The following DLGAP1 variants were observed in gnomAD, a reference collection of about 807,000 sequenced individuals.
DLGAP1 encodes disks large-associated protein 1.
DLGAP1 carries 11 observed loss-of-function variants against 90.8 expected under a neutral mutation model. The observed-to-expected ratio is 0.12, with a 90% CI of 0.08 to 0.20. The LOEUF is 0.20. Among genes scored for constraint, DLGAP1 ranks in the 10% least tolerant of loss-of-function variants. The pLI is 1.00. For missense variants in DLGAP1, 1,050 were observed against 1,333.8 expected (o/e 0.79, Z 3.31); for synonymous variants, 558 against 540.7 (o/e 1.03, Z -0.44).
At position 3,898,792 on chromosome 18, in the gene DLGAP1, C is replaced by T. The variant is rs3850809; in HGVS notation, c.-72-18652G>A. Among the ~76,000 whole-genome samples, 17 of 152,096 alleles carry T rather than the reference C, an allele frequency of 1.1e-4. No homozygotes were observed. The South Asian group carries it at 3.5e-3, about 32-fold the overall frequency. On this transcript the variant is annotated intron_variant, in intron 3 of 12. Transcript: ENST00000315677. ...ATGAACTAGAAATAAAGTTATTCATCTATTATTATTATTATTCTCCAATAA... is the reference window on the plus strand; with the variant it reads ...ATGAACTAGAAATAAAGTTATTCATTTATTATTATTATTATTCTCCAATAA...
chr18:4,250,329 T>C (rs900936349), intron 1 of DLGAP1, among the ~76,000 whole-genome samples: 1 of 152,224 alleles, frequency 6.6e-6, no homozygotes, highest in African/African-American at 2.4e-5. Context: ...TGAGCTCACT[T>C]CTGCTATTAG....
chr18:3,742,633 C>T (rs1180530385), intron 5 of DLGAP1, 121 bp from the exon 6 acceptor site: 1 of 1,167,170 alleles, frequency 8.6e-7, no homozygotes, highest in East Asian at 2.5e-5. Context: ...CATAGATGCC[C>T]TTCTGTGATT....
At chr18:3,593,962 A>G (rs77228879) in intron 7 of DLGAP1, 12 of 151,594 alleles carry the variant, frequency 7.9e-5, no homozygotes, top group African/African-American at 2.2e-4. Context: ...CAGTGCATGT[A>G]CTGTACAAAA....
At chr18:3,777,243 CAG>C (rs1284921274) in intron 5 of DLGAP1, among the ~76,000 whole-genome samples, 2 of 151,960 alleles carry the variant, frequency 1.3e-5, no homozygotes, top group Non-Finnish European at 2.9e-5. Context: ...GGTGTTTTGG[CAG>C]AGAGCGGGGA....
Position 3,880,007 on chromosome 18 carries a change from T to C in DLGAP1, c.62A>G (p.Asp21Gly). 6.2e-7 allele frequency: 1 copy of C among 1,609,968 alleles called. No homozygotes were observed. Among genetic ancestry groups the C allele is most frequent in the Admixed American group, 1.7e-5 (1 of 60,020 alleles). Residue 21 changes from aspartate (D) to glycine (G), a missense_variant, in exon 4 of 13, where the codon GAC becomes GGC. By Grantham distance (94) the Asp-to-Gly change is moderately conservative. This residue lies in a region of DLGAP1 where 485 missense variants were observed against 454.1 expected (regional missense o/e 1.07). Transcript: ENST00000315677. ...HHGVTCDSAC[D>G]SLSHHSDRKP... Reference sequence around the variant, plus strand: ...GCGGTCGGAGTGGTGCGACAGCGAGTCACAGGCCGAGTCGCAGGTGACCCC... The same window carrying C: ...GCGGTCGGAGTGGTGCGACAGCGAGCCACAGGCCGAGTCGCAGGTGACCCC...
At chr18:3,930,167 G>A (rs1031135347) in intron 3 of DLGAP1, among the ~76,000 whole-genome samples, 4 of 152,172 alleles carry the variant, frequency 2.6e-5, no homozygotes, top group African/African-American at 9.7e-5. Flanking sequence ...TATTTTATGT[G>A]CTGTGTGGGC....
intron 5 of DLGAP1, among the ~76,000 whole-genome samples, chr18:3,772,368 CTTTCTT>C (rs2064686670): frequency 7.6e-5 from 1 of 13,166 alleles, no homozygotes; most frequent in African/African-American, 1.3e-4. Context: ...TTCTTTCTTT[CTTTCTT>C]TCTTTCTTTC....
At chr18:3,671,123 C>G (rs898643906) in intron 7 of DLGAP1, among the ~76,000 whole-genome samples, 3 of 151,898 alleles carry the variant, frequency 2.0e-5, no homozygotes, top group Non-Finnish European at 2.9e-5. Flanking sequence ...GTCACTCTAG[C>G]CTTCTTTTAA....
chr18:4,118,943 C>T (rs1267189930), intron 2 of DLGAP1, among the ~76,000 whole-genome samples: 1 of 152,182 alleles, frequency 6.6e-6, no homozygotes, highest in Non-Finnish European at 1.5e-5. Context: ...CTTCACTCTT[C>T]TCTGGAGTCA....
At chr18:3,590,869 C>T (rs563417357) in intron 7 of DLGAP1, among the ~76,000 whole-genome samples, 10 of 150,220 alleles carry the variant, frequency 6.7e-5, no homozygotes, top group East Asian at 1.9e-4. Flanking sequence ...AATGAAACCC[C>T]GTCTAAAAAA....
intron 9 of DLGAP1, among the ~76,000 whole-genome samples, chr18:3,553,275 G>A (rs2053574911): frequency 6.6e-6 from 1 of 152,108 alleles, no homozygotes; most frequent in African/African-American, 2.4e-5. Context: ...GATGTTGTAA[G>A]ACTATACATA....
At chr18:4,171,569 AAAAAAAAAG>A (rs1302645843) in intron 1 of DLGAP1, among the ~76,000 whole-genome samples, 36 of 151,914 alleles carry the variant, frequency 2.4e-4, no homozygotes, top group Non-Finnish European at 3.1e-4. Context: ...CATCTCAAAA[AAAAAAAAAG>A]AAAAAAAAGA....
chr18:3,567,561 A>G lies in DLGAP1; in HGVS notation c.1986T>C (p.Pro662=). Residue 662 remains proline (P), a synonymous_variant, in exon 9 of 13, where the codon CCT becomes CCC. Transcript: ENST00000315677. ...GTGCTTTATTCTCCCCTGTTTTGTC[A>G]GGTTCTTCAGCATCATCCACCTGGA... ...IGIQVDDAEE[P]DKTGENKAPS... 1 of 1,613,980 alleles carries G rather than the reference A, an allele frequency of 6.2e-7. No individual in the cohort carries two copies. The highest frequency in any genetic ancestry group is 2.2e-5 in the East Asian group (1 of 44,858).
Position 4,343,123 on chromosome 18 carries a change from T to C in DLGAP1, c.-267+111883A>G, listed in dbSNP as rs184740387. ...GAGGTCGAGACCATCCTGTCTAACA[T>C]GGTGAAACTCCGTCTCTACTAAAAA... On this transcript the variant is annotated intron_variant, in intron 1 of 12. Coordinates refer to ENST00000315677, the MANE Select transcript of DLGAP1 (RefSeq NM_004746.4). Among the ~76,000 whole-genome samples the C allele has an allele frequency of 1.7e-3, 251 of 151,804 alleles. 1 individual carries two copies. Among genetic ancestry groups the C allele is most frequent in the South Asian group, 3.5e-3 (17 of 4,790 alleles).
At chr18:4,079,365 T>A (rs2075571222) in intron 2 of DLGAP1, among the ~76,000 whole-genome samples, 2 of 145,732 alleles carry the variant, frequency 1.4e-5, no homozygotes, top group South Asian at 2.2e-4. Context: ...ATACAAAGAA[T>A]AAAATAATAT....
chr18:4,403,979 T>G (rs2082611356), intron 1 of DLGAP1, among the ~76,000 whole-genome samples: 1 of 152,104 alleles, frequency 6.6e-6, no homozygotes, highest in Non-Finnish European at 1.5e-5. Context: ...CTCCCCAAAC[T>G]ATCTGGTCAT....
At chr18:4,229,706 A>C (rs1267390448) in intron 1 of DLGAP1, among the ~76,000 whole-genome samples, 1 of 152,088 alleles carries the variant, frequency 6.6e-6, no homozygotes, top group Non-Finnish European at 1.5e-5. Context: ...AAGTCATCAT[A>C]TTATGAAACT....
Position 3,600,877 on chromosome 18 carries a change from T to TATATATAGATATATAG in DLGAP1, c.1592-18630_1592-18629insCTATATATCTATATAT, listed in dbSNP as rs1568278907. On this transcript the variant is annotated intron_variant, in intron 7 of 12. Coordinates refer to ENST00000315677, the MANE Select transcript of DLGAP1 (RefSeq NM_004746.4). ...ATAGATATATATAGATATATAGATA[T>TATATATAGATATATAG]ATAGATAGATATATAGATATATATA... is the stretch of plus-strand genomic sequence containing the variant. Among the ~76,000 whole-genome samples, 7 of 22,442 alleles carry TATATATAGATATATAG rather than the reference T, an allele frequency of 3.1e-4. 1 individual carries two copies. The highest frequency in any genetic ancestry group is 1.2e-3 in the South Asian group (1 of 830). The allele number at this position is 22,442 out of a possible 152,430, so 14.7% of individuals were successfully genotyped here. A position where few individuals can be genotyped will look rare whatever the true frequency, so the allele number is the denominator to read the frequency against.
At chr18:3,924,431 G>A (rs1311091071) in intron 3 of DLGAP1, among the ~76,000 whole-genome samples, 1 of 152,114 alleles carries the variant, frequency 6.6e-6, no homozygotes, top group African/African-American at 2.4e-5. Flanking sequence ...TAGATTTTCT[G>A]TTTATGTTTT....
Sources: allele counts gnomAD v4.1 joint callset (sites outside exome capture counted in the v4.1 genomes callset), GRCh38; gene constraint gnomAD v4.1.1; regional missense constraint gnomAD v4.1.1; transcripts MANE v1.5; gene names NCBI Gene and HGNC (gene_info 2026-07-23, HGNC 2026-07-21).